SAMD4A: variants seen among roughly 807,000 people sequenced by gnomAD.
The protein encoded by SAMD4A is protein Smaug homolog 1.
Under a neutral mutation model 81.3 loss-of-function variants are expected in SAMD4A, and 33 were observed. That is an observed-to-expected ratio of 0.41 (90% CI 0.31 to 0.54). The LOEUF is 0.54. SAMD4A is among the 20% of genes least tolerant of loss of function. The pLI is 0.37. For missense variants in SAMD4A, 854 were observed against 951.1 expected, an observed-to-expected ratio of 0.90 and a Z score of 1.34; for synonymous variants, 389 against 382.1, an observed-to-expected ratio of 1.02 and a Z score of -0.21.
intron 5 of SAMD4A, among the ~76,000 whole-genome samples, chr14:54,749,970 A>G (rs1242346300): frequency 6.6e-5 from 10 of 152,200 alleles, no homozygotes; most frequent in African/African-American, 2.4e-4. Context: ...GAGACACAAC[A>G]CAAAGCCCAA....
intron 2 of SAMD4A, among the ~76,000 whole-genome samples, chr14:54,598,623 A>T (rs1317997022): frequency 6.6e-6 from 1 of 152,324 alleles, no homozygotes; most frequent in African/African-American, 2.4e-5. Flanking sequence ...AAAAGTTACT[A>T]TTCCTCTCTC....
At chr14:54,704,442 A>G (rs765532213) in intron 3 of SAMD4A, among the ~76,000 whole-genome samples, 5 of 152,160 alleles carry the variant, frequency 3.3e-5, no homozygotes, top group Non-Finnish European at 5.9e-5. Context: ...GTCATTATAT[A>G]TTTCTATCTA....
chr14:54,630,435 G>A (rs1029713152), intron 2 of SAMD4A, among the ~76,000 whole-genome samples: 2 of 152,204 alleles, frequency 1.3e-5, no homozygotes, highest in African/African-American at 4.8e-5. Context: ...AATGATGGGT[G>A]ATGTTGGCCA....
chr14:54,705,867 CT>C (rs1251097985), intron 3 of SAMD4A, among the ~76,000 whole-genome samples: 1 of 152,130 alleles, frequency 6.6e-6, no homozygotes, highest in Non-Finnish European at 1.5e-5. Context: ...TTAAATATTC[CT>C]TTTTGCTGGA....
chr14:54,653,930 C>T (rs947126052), intron 2 of SAMD4A, among the ~76,000 whole-genome samples: 3 of 152,168 alleles, frequency 2.0e-5, no homozygotes, highest in East Asian at 3.9e-4. Flanking sequence ...TCCTGGTGTT[C>T]ATTTCTTCCA....
At chr14:54,723,435 G>GT (rs2037314866) in intron 3 of SAMD4A, among the ~76,000 whole-genome samples, 2 of 152,168 alleles carry the variant, frequency 1.3e-5, no homozygotes, top group Non-Finnish European at 2.9e-5. Context: ...AGCAAGAATA[G>GT]TTTTTTTGAC....
At chr14:54,781,267 C>T (rs2038992829) in intron 11 of SAMD4A, among the ~76,000 whole-genome samples, 1 of 152,252 alleles carries the variant, frequency 6.6e-6, no homozygotes, top group Admixed American at 6.5e-5. Context: ...TGCAGAATTG[C>T]ACCGTGGGTG....
chr14:54,783,956 T>C (rs1248006100), intron 11 of SAMD4A, among the ~76,000 whole-genome samples: 1 of 151,962 alleles, frequency 6.6e-6, no homozygotes, highest in East Asian at 1.9e-4. Context: ...AATACAAATA[T>C]CAAATATGAC....
At chr14:54,576,544 C>T (rs191035008) in intron 2 of SAMD4A, among the ~76,000 whole-genome samples, 8 of 152,208 alleles carry the variant, frequency 5.3e-5, no homozygotes, top group East Asian at 3.9e-4. Flanking sequence ...GATCTATGAG[C>T]GTATGGATGA....
intron 12 of SAMD4A, among the ~76,000 whole-genome samples, chr14:54,786,705 C>T (rs79249271): frequency 6.4e-4 from 97 of 152,320 alleles, no homozygotes; most frequent in African/African-American, 2.3e-3. Flanking sequence ...ATTTTGGAGG[C>T]TCATATCAAA....
At chr14:54,608,104 G>A (rs1224085348) in intron 2 of SAMD4A, among the ~76,000 whole-genome samples, 12 of 152,078 alleles carry the variant, frequency 7.9e-5, no homozygotes, top group Non-Finnish European at 5.9e-5. Context: ...GGACAGAAGC[G>A]AAGAGAGCAA....
intron 2 of SAMD4A, among the ~76,000 whole-genome samples, chr14:54,641,601 A>G (rs926460326): frequency 1.3e-5 from 2 of 152,312 alleles, no homozygotes; most frequent in Admixed American, 6.5e-5. Flanking sequence ...TTTACATATG[A>G]TAGCATTGCA....
At chr14:54,655,672 A>T (rs1462691714) in intron 2 of SAMD4A, among the ~76,000 whole-genome samples, 1 of 152,190 alleles carries the variant, frequency 6.6e-6, no homozygotes, top group Non-Finnish European at 1.5e-5. Context: ...TGGGAGGTGG[A>T]GGTTGTGATG....
intron 2 of SAMD4A, among the ~76,000 whole-genome samples, chr14:54,591,894 C>T (rs1022341617): frequency 1.3e-5 from 2 of 152,092 alleles, no homozygotes; most frequent in Non-Finnish European, 2.9e-5. Flanking sequence ...GGGTTGAAAG[C>T]CTTCTCTCTA....
At chr14:54,691,424 A>AG (rs1324038811) in intron 2 of SAMD4A, among the ~76,000 whole-genome samples, 2 of 152,132 alleles carry the variant, frequency 1.3e-5, no homozygotes, top group Non-Finnish European at 2.9e-5. Flanking sequence ...ACCCAGAAGG[A>AG]GGGAAATGGC....
chr14:54,656,320 C>T (rs973876502), intron 2 of SAMD4A, among the ~76,000 whole-genome samples: 3 of 152,154 alleles, frequency 2.0e-5, no homozygotes, highest in South Asian at 2.1e-4. Flanking sequence ...TATGGAGAGA[C>T]GCTTTGATCT....
At chr14:54,749,946 G>A (rs1259504063) in intron 5 of SAMD4A, among the ~76,000 whole-genome samples, 5 of 152,250 alleles carry the variant, frequency 3.3e-5, no homozygotes, top group East Asian at 1.9e-4. Context: ...CAGGCCTGGC[G>A]GACTCCCAAT....
At chr14:54,590,727 TG>T (rs1240980098) in intron 2 of SAMD4A, among the ~76,000 whole-genome samples, 1 of 152,204 alleles carries the variant, frequency 6.6e-6, no homozygotes, top group Non-Finnish European at 1.5e-5. Flanking sequence ...AAAACCCAGA[TG>T]TGCTCCACAC....
rs777542363 is a variant in SAMD4A at position 54,775,042 on chromosome 14, C to T, written c.1824C>T (p.Ser608=). 62 of 1,614,094 alleles carry T rather than the reference C, an allele frequency of 3.8e-5. No homozygotes were observed. The highest frequency in any genetic ancestry group is 4.8e-5 in the Non-Finnish European group (57 of 1,180,054). Residue 608 remains serine (S), a synonymous_variant, in exon 10 of 13, where the codon TCC becomes TCT. Transcript: ENST00000554335. ...AGATCCCCTCTCGGAACGTCCCTTC[C>T]GCCCGCCTGGGCCTCTTGGGCACCA... ...QYQIPSRNVP[S]ARLGLLGTSG...
Sources: gnomAD v4.1 joint callset for allele counts (sites outside exome capture counted in the v4.1 genomes callset) on GRCh38, gnomAD v4.1.1 for gene constraint, MANE v1.5 for transcripts, NCBI Gene and HGNC (gene_info 2026-07-23, HGNC 2026-07-21) for gene names.